The following PPP1R13B variants were observed in gnomAD, a reference collection of about 807,000 sequenced individuals.
PPP1R13B encodes protein phosphatase 1 regulatory subunit 13B, also known as apoptosis-stimulating of p53 protein 1.
PPP1R13B carries 44 observed loss-of-function variants against 119.8 expected under a neutral mutation model. The observed-to-expected ratio is 0.37, with a 90% confidence interval of 0.29 to 0.47. The LOEUF (loss-of-function observed/expected upper bound fraction) is 0.47, where lower values mean the gene tolerates loss of function less well. Ranked by LOEUF, PPP1R13B falls within the 20% of genes least tolerant of loss-of-function variation. The pLI is 0.99. For synonymous variants in PPP1R13B, 542 were observed against 561.5 expected (o/e 0.97, Z 0.49); for missense variants, 1,227 against 1,413.5 (o/e 0.87, Z 2.12).
intron 4 of PPP1R13B, among the ~76,000 whole-genome samples, chr14:103,770,215 T>A (rs1359296741): frequency 6.6e-6 from 1 of 151,904 alleles, no homozygotes; most frequent in East Asian, 1.9e-4. Context: ...ATTTTAATCA[T>A]AAGACTTATT....
chr14:103,848,491 A>C (rs2087127644), upstream of PPP1R13B: 5 of 985,346 alleles, frequency 5.1e-6, no homozygotes, highest in African/African-American at 1.7e-5. Flanking sequence ...ACATGGTGCC[A>C]TTCGCCCGGA....
intron 3 of PPP1R13B, among the ~76,000 whole-genome samples, chr14:103,783,025 C>T (rs1025321020): frequency 9.2e-5 from 14 of 151,872 alleles, no homozygotes; most frequent in Non-Finnish European, 1.6e-4. Flanking sequence ...AGGCTGGTCT[C>T]GAACTCTTGA....
At chr14:103,842,772 T>G (rs1443004538) in intron 1 of PPP1R13B, among the ~76,000 whole-genome samples, 1 of 150,066 alleles carries the variant, frequency 6.7e-6, no homozygotes, top group East Asian at 2.1e-4. Flanking sequence ...GGTCAGGAGT[T>G]CAAGACCAGC....
At chr14:103,790,938 T>A (rs766859848) in intron 2 of PPP1R13B, among the ~76,000 whole-genome samples, 10 of 152,198 alleles carry the variant, frequency 6.6e-5, no homozygotes, top group Non-Finnish European at 1.0e-4. Context: ...AAATCTTCAG[T>A]GCAACCAAAG....
At position 103,789,576 on chromosome 14, in the gene PPP1R13B, G is replaced by A. The variant is rs548604445; in HGVS notation, c.158-4662C>T. Among the ~76,000 whole-genome samples, 65 of 147,170 alleles carry A rather than the reference G, an allele frequency of 4.4e-4. No individual in the cohort carries two copies. The South Asian group carries it at 0.011, about 26-fold the overall frequency. On this transcript the variant is annotated intron_variant, in intron 2 of 16. Coordinates refer to ENST00000202556, the MANE Select transcript of PPP1R13B (RefSeq NM_015316.3). The stretch of plus-strand genomic sequence containing the variant: ...CGTGCCCAGGCTAGAGTACAGTGGC[G>A]CCATCTTGGCTTATACAACCTCTGT...
chr14:103,793,694 G>C (rs138008620), intron 2 of PPP1R13B, among the ~76,000 whole-genome samples: 27 of 151,810 alleles, frequency 1.8e-4, no homozygotes, highest in African/African-American at 6.3e-4. Flanking sequence ...CTTTAAATAA[G>C]GTTAAAAAAC....
intron 1 of PPP1R13B, among the ~76,000 whole-genome samples, chr14:103,814,022 T>A (rs142604393): frequency 7.9e-5 from 12 of 152,314 alleles, no homozygotes; most frequent in African/African-American, 2.4e-4. Flanking sequence ...CTCTTCACTT[T>A]ACAGATTAGG....
In PPP1R13B at chr14:103,740,862, G is replaced by A. The variant is rs567595091; in HGVS notation, c.1823-269C>T. Among the ~76,000 whole-genome samples the A allele has an allele frequency of 2.5e-3, 381 of 152,328 alleles. 2 individuals carry two copies. The highest frequency in any genetic ancestry group is 6.4e-3 in the Admixed American group (98 of 15,298). ...CTTTTTCAAAAGAAAAAAATAGGGT[G>A]CTAACCCGACTTTTCCTGCCGCAGA... On this transcript the variant is annotated intron_variant, in intron 11 of 16. Coordinates refer to ENST00000202556, the MANE Select transcript of PPP1R13B (RefSeq NM_015316.3). This position sits in a 1 kb window ranked among gnomAD's most constrained non-coding sequence, Gnocchi z 4.6.
chr14:103,760,693 C>T (rs1567101962), intron 4 of PPP1R13B, among the ~76,000 whole-genome samples: 1 of 152,202 alleles, frequency 6.6e-6, no homozygotes, highest in East Asian at 1.9e-4. Context: ...TCCAGGAACA[C>T]TGTTTCTGCT....
In PPP1R13B at chr14:103,819,513, A is replaced by C. The variant is rs574957811; in HGVS notation, c.10-21995T>G. Among the ~76,000 whole-genome samples the C allele has an allele frequency of 3.4e-3, 494 of 146,328 alleles. 11 individuals carry two copies. Among genetic ancestry groups the C allele is most frequent in the African/African-American group, 0.012 (477 of 39,142 alleles). On this transcript the variant is annotated intron_variant, in intron 1 of 16. Transcript: ENST00000202556. Reference sequence around the variant, plus strand: ...AATCTGTCTATTAAAAAAAACAAACAAACAAAAAAAAACAACAACAAAAAG... The same window carrying C: ...AATCTGTCTATTAAAAAAAACAAACCAACAAAAAAAAACAACAACAAAAAG...
At chr14:103,774,804 C>A (rs11628332) in intron 4 of PPP1R13B, among the ~76,000 whole-genome samples, 1 of 152,044 alleles carries the variant, frequency 6.6e-6, no homozygotes, top group South Asian at 2.1e-4. Flanking sequence ...CACGTAAAAC[C>A]GCTCTGTAGA....
intron 1 of PPP1R13B, among the ~76,000 whole-genome samples, chr14:103,812,662 C>T (rs1338595740): frequency 6.6e-6 from 1 of 151,810 alleles, no homozygotes; most frequent in African/African-American, 2.4e-5. Context: ...CAAATGATCC[C>T]CCTGCCTCAG....
chr14:103,744,908 C>A (rs1269591803), intron 9 of PPP1R13B, among the ~76,000 whole-genome samples: 4 of 152,228 alleles, frequency 2.6e-5, no homozygotes, highest in Non-Finnish European at 5.9e-5. Context: ...CTCCTTGCTG[C>A]AACCCCTTGA....
At chr14:103,822,544 T>C (rs1196564086) in intron 1 of PPP1R13B, among the ~76,000 whole-genome samples, 4 of 151,876 alleles carry the variant, frequency 2.6e-5, no homozygotes, top group East Asian at 3.9e-4. Context: ...ATTTCACCGG[T>C]GGCTCACGCC....
intron 1 of PPP1R13B, among the ~76,000 whole-genome samples, chr14:103,838,408 C>T (rs982043305): frequency 6.6e-6 from 1 of 152,172 alleles, no homozygotes. Context: ...AGCTCACAGT[C>T]TAGGACAAGA....
chr14:103,846,813 G>A (rs988393140), intron 1 of PPP1R13B: 4 of 460,904 alleles, frequency 8.7e-6, no homozygotes, highest in Admixed American at 7.0e-5. Flanking sequence ...TCCTAAGATG[G>A]CTCTCCAAAT....
chr14:103,786,456 T>A (rs952745490), intron 2 of PPP1R13B, among the ~76,000 whole-genome samples: 1 of 152,112 alleles, frequency 6.6e-6, no homozygotes, highest in African/African-American at 2.4e-5. Context: ...TCAGGTATTA[T>A]GCCTATTTTT....
At position 103,742,325 on chromosome 14, in the gene PPP1R13B, A is replaced by G; in HGVS notation, c.1321-34T>C. ...AGGTGTTAAGAAGAAAAACAAAGTC[A>G]CCCTTTGAACAGTTAAGAATATTTC... On this transcript the variant is annotated intron_variant, in intron 10 of 16. Coordinates refer to ENST00000202556, the MANE Select transcript of PPP1R13B (RefSeq NM_015316.3). This position sits in a 1 kb window ranked among gnomAD's most constrained non-coding sequence, Gnocchi z 4.9. The G allele has an allele frequency of 1.3e-6, 2 of 1,509,010 alleles. No individual in the cohort carries two copies. Among genetic ancestry groups the G allele is most frequent in the Non-Finnish European group, 1.8e-6 (2 of 1,136,604 alleles). 93.5% of individuals were successfully genotyped at this position (1,509,010 alleles called of 1,614,324 possible).
At chr14:103,824,603 C>T (rs113745291) in intron 1 of PPP1R13B, among the ~76,000 whole-genome samples, 9,861 of 150,544 alleles carry the variant, frequency 0.066, 995 homozygotes, top group African/African-American at 0.22. Context: ...GGCTGAGGCA[C>T]GAGAATCGGT....
Sources: allele counts gnomAD v4.1 joint callset (sites outside exome capture counted in the v4.1 genomes callset), GRCh38; gene constraint gnomAD v4.1.1; non-coding constraint Gnocchi (gnomAD v3.1); transcripts MANE v1.5; gene names NCBI Gene and HGNC (gene_info 2026-07-23, HGNC 2026-07-21).